Variants in CNTLN observed in about 807,000 individuals in gnomAD.
CNTLN encodes centlein, also known as centlein, centrosomal protein.
A neutral mutation model predicts 180.0 loss-of-function variants in CNTLN; 212 were observed. That is an observed-to-expected ratio of 1.18 (90% confidence interval 1.05 to 1.32). The LOEUF (loss-of-function observed/expected upper bound fraction) is 1.32. CNTLN is among the 40% of genes most tolerant of loss of function. The pLI, the probability that CNTLN is intolerant of heterozygous loss-of-function variation, is 0.00. For missense variants in CNTLN, 2,095 were observed against 1,610.9 expected (o/e 1.30, Z -5.14); for synonymous variants, 722 against 563.1 (o/e 1.28, Z -3.99).
intron 2 of CNTLN, among the ~76,000 whole-genome samples, chr9:17,202,646 GTTTTTTTT>G (rs57960408): frequency 0.079 from 5,686 of 71,698 alleles, 538 homozygotes; most frequent in African/African-American, 0.28. Context: ...TGCAACCTCT[GTTTTTTTT>G]TTTTTTTTTT....
In CNTLN at chr9:17,171,192, T is replaced by G. The variant is rs566677250; in HGVS notation, c.449+27816T>G. ...TACTGGAAAATTGTCATTTTGTTTT[T>G]TGGTGGCATTTTGTTTTTTGGTGGC... On this transcript the variant is annotated intron_variant, in intron 2 of 25. Coordinates refer to ENST00000380647, the MANE Select transcript of CNTLN (RefSeq NM_017738.4). Among the ~76,000 whole-genome samples, 4 of 150,576 alleles carry G rather than the reference T, an allele frequency of 2.7e-5. No individual in the cohort carries two copies. In the South Asian group the frequency reaches 8.3e-4, roughly 31 times the overall value.
In CNTLN at chr9:17,346,534, C is replaced by T. The variant is rs557839030; in HGVS notation, c.1886+4090C>T. 2.0e-5 allele frequency among the ~76,000 whole-genome samples: 3 copies of T among 152,294 alleles called. No individual in the cohort carries two copies. The South Asian group carries it at 6.2e-4, about 32-fold the overall frequency. On this transcript the variant is annotated intron_variant, in intron 12 of 25. Transcript: ENST00000380647. ...TAACTTAGCAATTGTTTTTCTTCAGCACTTGAAAAATTTGCTACTTCCTTT... is the reference window on the plus strand; with the variant it reads ...TAACTTAGCAATTGTTTTTCTTCAGTACTTGAAAAATTTGCTACTTCCTTT...
At chr9:17,261,290 T>C (rs1317048175) in intron 5 of CNTLN, among the ~76,000 whole-genome samples, 1 of 151,550 alleles carries the variant, frequency 6.6e-6, no homozygotes. Flanking sequence ...TGATATTGAT[T>C]CTTCCAATCC....
chr9:17,491,920 GTTAACT>G (rs1419774299), intron 25 of CNTLN, among the ~76,000 whole-genome samples: 5,874 of 152,054 alleles, frequency 0.039, 384 homozygotes, highest in African/African-American at 0.13. Flanking sequence ...TAGCCTGAAG[GTTAACT>G]GAAAGTTTCT....
the CNTLN span, among the ~76,000 whole-genome samples, chr9:17,522,651 G>A: frequency 1.3e-5 from 2 of 151,926 alleles, no homozygotes; most frequent in Non-Finnish European, 1.5e-5. Flanking sequence ...GCACACAACC[G>A]AAAGTCGGCC....
At chr9:17,416,759 A>C (rs558936855) in intron 18 of CNTLN, among the ~76,000 whole-genome samples, 1 of 152,246 alleles carries the variant, frequency 6.6e-6, no homozygotes, top group East Asian at 1.9e-4. Flanking sequence ...TTTAACTTAC[A>C]CTTTGAGATG....
intron 18 of CNTLN, among the ~76,000 whole-genome samples, chr9:17,441,141 A>G (rs1467019029): frequency 1.3e-5 from 2 of 152,240 alleles, no homozygotes; most frequent in Non-Finnish European, 2.9e-5. Flanking sequence ...TGAAAGTGAA[A>G]GAGACTTTCC....
chr9:17,325,635 A>G (rs1398386162), intron 8 of CNTLN, among the ~76,000 whole-genome samples: 3 of 151,806 alleles, frequency 2.0e-5, no homozygotes, highest in Admixed American at 6.6e-5. Flanking sequence ...AAGAAAAAGT[A>G]TTTCTTTTGC....
chr9:17,317,497 A>C (rs1819611053), intron 8 of CNTLN, among the ~76,000 whole-genome samples: 1 of 152,150 alleles, frequency 6.6e-6, no homozygotes, highest in African/African-American at 2.4e-5. Flanking sequence ...AAGAGCTGTT[A>C]GGGAACAAAA....
chr9:17,279,282 G>T (rs936980893), intron 6 of CNTLN, among the ~76,000 whole-genome samples: 1 of 152,080 alleles, frequency 6.6e-6, no homozygotes, highest in Non-Finnish European at 1.5e-5. Context: ...TAGTACTTCA[G>T]TGTTCATCAC....
intron 2 of CNTLN, among the ~76,000 whole-genome samples, chr9:17,165,767 C>G (rs919997020): frequency 6.6e-6 from 1 of 152,222 alleles, no homozygotes; most frequent in African/African-American, 2.4e-5. Flanking sequence ...GGGACACTAA[C>G]TGAATTATTC....
chr9:17,199,268 G>T (rs1274583707), intron 2 of CNTLN, among the ~76,000 whole-genome samples: 1 of 138,466 alleles, frequency 7.2e-6, no homozygotes, highest in Non-Finnish European at 1.5e-5. Context: ...CTGGAGTGCA[G>T]TGGCATAGTC....
Position 17,441,865 on chromosome 9 carries a change from C to T in CNTLN, c.3115-15659C>T, listed in dbSNP as rs115665754. Among the ~76,000 whole-genome samples, 1,348 of 152,030 alleles carry T rather than the reference C, an allele frequency of 8.9e-3. 27 individuals carry two copies. Among genetic ancestry groups the T allele is most frequent in the African/African-American group, 0.031 (1,271 of 41,458 alleles). ...AAGGGATGGAAAACTATATTCCATA[C>T]AAAGGGTAAGCAAAGGAGAGAAGGG... is the stretch of plus-strand genomic sequence containing the variant. On this transcript the variant is annotated intron_variant, in intron 18 of 25. Transcript: ENST00000380647.
At chr9:17,426,610 C>A (rs1411695722) in intron 18 of CNTLN, among the ~76,000 whole-genome samples, 1 of 151,590 alleles carries the variant, frequency 6.6e-6, no homozygotes, top group Non-Finnish European at 1.5e-5. Flanking sequence ...TTTTTATGAA[C>A]TCTTGTTCTC....
chr9:17,222,994 T>TG (rs1824242961), intron 2 of CNTLN, among the ~76,000 whole-genome samples: 1 of 152,010 alleles, frequency 6.6e-6, no homozygotes, highest in African/African-American at 2.4e-5. Flanking sequence ...GCCTTATCCA[T>TG]GGGGGATACG....
chr9:17,333,848 A>G (rs1820804069), intron 10 of CNTLN, among the ~76,000 whole-genome samples: 1 of 152,208 alleles, frequency 6.6e-6, no homozygotes, highest in African/African-American at 2.4e-5. Context: ...TTTCCTCAAT[A>G]GCAATTACTG....
At chr9:17,388,663 G>A (rs998061409) in intron 14 of CNTLN, among the ~76,000 whole-genome samples, 3 of 151,760 alleles carry the variant, frequency 2.0e-5, no homozygotes, top group African/African-American at 7.2e-5. Flanking sequence ...ACAGTAAAAT[G>A]GTAATATGTT....
At chr9:17,376,704 G>C (rs897851421) in intron 13 of CNTLN, among the ~76,000 whole-genome samples, 1 of 151,998 alleles carries the variant, frequency 6.6e-6, no homozygotes, top group Non-Finnish European at 1.5e-5. Context: ...GCCCACTTTG[G>C]CCTCCCAAAG....
chr9:17,524,897 C>G, the CNTLN span, among the ~76,000 whole-genome samples: 2 of 152,180 alleles, frequency 1.3e-5, no homozygotes, highest in Non-Finnish European at 2.9e-5. Context: ...TTCTTACTGT[C>G]CACTTGTCCT....
Sources: allele counts gnomAD v4.1 joint callset (sites outside exome capture counted in the v4.1 genomes callset), GRCh38; gene constraint gnomAD v4.1.1; transcripts MANE v1.5; gene names NCBI Gene and HGNC (gene_info 2026-07-23, HGNC 2026-07-21).